Variants in KLHL4 observed in about 807,000 individuals in gnomAD.
KLHL4 encodes the protein kelch-like protein 4.
KLHL4 carries 17 observed loss-of-function variants against 45.8 expected under a neutral mutation model. The observed-to-expected ratio is 0.37, with a 90% CI of 0.25 to 0.56. KLHL4 has a LOEUF of 0.56. KLHL4 is among the 20% of genes least tolerant of loss of function. The probability of loss-of-function intolerance (pLI) is 0.79; values close to 1 mark genes in which losing one functional copy is unlikely to be tolerated. For synonymous variants in KLHL4, 224 were observed against 189.9 expected (o/e 1.18, Z -1.47); for missense variants, 544 against 544.9 (o/e 1.00, Z 0.02).
At chrX:87,556,558 A>G (rs1285911311) in intron 1 of KLHL4, among the ~76,000 whole-genome samples, 2 of 110,186 alleles carry the variant, frequency 1.8e-5, no homozygotes, top group African/African-American at 6.6e-5. Context: ...TAGCTTTAGG[A>G]GATATACCTA....
intron 1 of KLHL4, among the ~76,000 whole-genome samples, chrX:87,585,584 C>T (rs1375357812): frequency 9.1e-6 from 1 of 110,050 alleles, no homozygotes; most frequent in Non-Finnish European, 1.9e-5. Context: ...ATTTGCACAC[C>T]TCCCAGTAAC....
chrX:87,536,536 A>G (rs1931431392), intron 1 of KLHL4, among the ~76,000 whole-genome samples: 1 of 110,833 alleles, frequency 9.0e-6, no homozygotes, highest in African/African-American at 3.3e-5. Flanking sequence ...AATACAATTT[A>G]CTTGTTCCAC....
intron 1 of KLHL4, among the ~76,000 whole-genome samples, chrX:87,558,298 A>G (rs1409722583): frequency 9.0e-6 from 1 of 111,363 alleles, no homozygotes; most frequent in Non-Finnish European, 1.9e-5. Context: ...CATTTGTAAA[A>G]TGAGGACGGT....
chrX:87,556,578 G>T (rs1016309520), intron 1 of KLHL4, among the ~76,000 whole-genome samples: 1 of 110,408 alleles, frequency 9.1e-6, no homozygotes, highest in Non-Finnish European at 1.9e-5. Flanking sequence ...AATGCTAAAT[G>T]ATGAGTGAAT....
chrX:87,595,059 G>A (rs996390340), intron 1 of KLHL4, among the ~76,000 whole-genome samples: 4 of 105,876 alleles, frequency 3.8e-5, no homozygotes, highest in Non-Finnish European at 7.7e-5. Flanking sequence ...TAGGGTACAC[G>A]TGCACAACGT....
rs746970688 is a variant in KLHL4, at chrX:87,636,871, C to G, written c.1925+1096C>G. Among the ~76,000 whole-genome samples the G allele has an allele frequency of 2.7e-5, 3 of 110,493 alleles. No individual in the cohort carries two copies. The South Asian group carries it at 1.2e-3, about 45-fold the overall frequency. ...CAGACATGCCTAACCCTGCCCCCACCTGATGGTCTTTCTCTTTATGCGCTG... is the reference window on the plus strand; with the variant it reads ...CAGACATGCCTAACCCTGCCCCCACGTGATGGTCTTTCTCTTTATGCGCTG... On this transcript the variant is annotated intron_variant, in intron 9 of 10. Transcript: ENST00000373119.
intron 9 of KLHL4, among the ~76,000 whole-genome samples, chrX:87,655,019 T>TAAA (rs1330655917): frequency 8.9e-6 from 1 of 112,096 alleles, no homozygotes; most frequent in East Asian, 2.8e-4. Flanking sequence ...ATGACTGAGA[T>TAAA]GTTTGAGTTC....
chrX:87,552,606 G>A (rs1931855596), intron 1 of KLHL4, among the ~76,000 whole-genome samples: 1 of 110,945 alleles, frequency 9.0e-6, no homozygotes, highest in Non-Finnish European at 1.9e-5. Context: ...GCACATGCAT[G>A]TTTATAGCAG....
At chrX:87,629,382 A>AC (rs1398099426) in intron 6 of KLHL4, among the ~76,000 whole-genome samples, 4 of 111,479 alleles carry the variant, frequency 3.6e-5, no homozygotes, top group Admixed American at 9.6e-5. Context: ...GTGGGGGTGG[A>AC]CAAAGGGGCT....
chrX:87,631,456 C>T (rs1923093110), intron 6 of KLHL4, among the ~76,000 whole-genome samples: 1 of 112,009 alleles, frequency 8.9e-6, no homozygotes, highest in Admixed American at 9.5e-5. Context: ...TTCTCTCTAC[C>T]TCTTGTATCA....
At chrX:87,650,840 G>A (rs143000787) in intron 9 of KLHL4, among the ~76,000 whole-genome samples, 2,369 of 111,600 alleles carry the variant, frequency 0.021, 68 homozygotes, top group African/African-American at 0.073. Flanking sequence ...CACAATCATC[G>A]TGGAAGCCAA....
intron 10 of KLHL4, 32 bp downstream of exon 10, chrX:87,664,967 T>A: frequency 1.1e-6 from 1 of 939,747 alleles, no homozygotes. Flanking sequence ...AATTACTATA[T>A]TTCAGGTTTT....
intron 1 of KLHL4, among the ~76,000 whole-genome samples, chrX:87,586,163 C>T (rs1184170846): frequency 9.0e-6 from 1 of 110,800 alleles, no homozygotes; most frequent in Non-Finnish European, 1.9e-5. Flanking sequence ...AGATAGGACC[C>T]AGTACAATAA....
At position 87,668,086 on chromosome X, in the gene KLHL4, G is replaced by A; in HGVS notation, c.*1552G>A. 1 of 748,243 alleles carries A rather than the reference G, an allele frequency of 1.3e-6. No homozygotes were observed. Among genetic ancestry groups the A allele is most frequent in the South Asian group, 6.8e-5 (1 of 14,732 alleles). 61.7% of individuals were successfully genotyped at this position (748,243 alleles called of 1,213,427 possible). On this transcript the variant is annotated 3_prime_UTR_variant, in exon 11 of 11. Transcript: ENST00000373119. ...CATTGTCTCTAATTCTAAAGAGAGA[G>A]CTATAGATTTCTGCAGTTCTAGAGG...
At chrX:87,639,735 T>C (rs1218120094) in intron 9 of KLHL4, among the ~76,000 whole-genome samples, 1 of 110,667 alleles carries the variant, frequency 9.0e-6, no homozygotes, top group Non-Finnish European at 1.9e-5. Context: ...TTCATAGCAT[T>C]GAATGCCTAC....
intron 1 of KLHL4, among the ~76,000 whole-genome samples, chrX:87,600,064 C>T (rs190190332): frequency 8.1e-5 from 9 of 111,637 alleles, no homozygotes; most frequent in African/African-American, 2.9e-4. Flanking sequence ...AGATGGAATC[C>T]TCAGTGCTGG....
chrX:87,526,455 T>A (rs770684068), intron 1 of KLHL4, among the ~76,000 whole-genome samples: 12 of 112,073 alleles, frequency 1.1e-4, no homozygotes, highest in Middle Eastern at 9.3e-3. Context: ...TTGAAAGGTT[T>A]CATGGCCGTA....
intron 1 of KLHL4, among the ~76,000 whole-genome samples, chrX:87,553,582 A>G (rs1931887126): frequency 9.1e-6 from 1 of 110,490 alleles, no homozygotes; most frequent in African/African-American, 3.3e-5. Flanking sequence ...TCACTTTCTC[A>G]TTAACAGTGG....
chrX:87,564,362 A>T (rs1932165092), intron 1 of KLHL4, among the ~76,000 whole-genome samples: 1 of 110,859 alleles, frequency 9.0e-6, no homozygotes, highest in African/African-American at 3.3e-5. Context: ...GAGTTAAATT[A>T]CCATCAGTTT....
Sources: allele counts gnomAD v4.1 joint callset (sites outside exome capture counted in the v4.1 genomes callset), GRCh38; gene constraint gnomAD v4.1.1; transcripts MANE v1.5; gene names NCBI Gene and HGNC (gene_info 2026-07-23, HGNC 2026-07-21).